The following IL1RAPL2 variants were observed in gnomAD, a reference collection of about 807,000 sequenced individuals.
IL1RAPL2 encodes the protein interleukin 1 receptor accessory protein like 2, also known as X-linked interleukin-1 receptor accessory protein-like 2.
In IL1RAPL2, 3 loss-of-function variants were observed where a neutral mutation model predicts 44.1. The observed-to-expected ratio is 0.07, with a 90% CI of 0.03 to 0.18. The LOEUF is 0.18. Among genes scored for constraint, IL1RAPL2 ranks in the 10% least tolerant of loss-of-function variants. The probability of loss-of-function intolerance (pLI) is 1.00; values close to 1 mark genes in which losing one functional copy is unlikely to be tolerated. For missense variants in IL1RAPL2, 391 were observed against 496.4 expected (o/e 0.79, Z 2.02); for synonymous variants, 181 against 178.8 (o/e 1.01, Z -0.10).
intron 1 of IL1RAPL2, among the ~76,000 whole-genome samples, chrX:104,597,512 C>T (rs1928789999): frequency 9.0e-6 from 1 of 111,519 alleles, no homozygotes; most frequent in East Asian, 2.8e-4. Context: ...AGGCTATGGT[C>T]ATGAGACAGA....
At chrX:104,631,618 T>G in intron 1 of IL1RAPL2, among the ~76,000 whole-genome samples, 1 of 112,414 alleles carries the variant, frequency 8.9e-6, no homozygotes, top group Non-Finnish European at 1.9e-5. Flanking sequence ...CATGTGTCTT[T>G]TGGCTGTATA....
chrX:104,679,591 T>C (rs1231456535), intron 2 of IL1RAPL2, among the ~76,000 whole-genome samples: 2 of 112,127 alleles, frequency 1.8e-5, no homozygotes, highest in Non-Finnish European at 3.8e-5. Flanking sequence ...ATGATGGGGA[T>C]TGTCATATTC....
chrX:105,447,867 A>T, intron 5 of IL1RAPL2, among the ~76,000 whole-genome samples: 1 of 93,695 alleles, frequency 1.1e-5, no homozygotes, highest in Non-Finnish European at 2.0e-5. Flanking sequence ...ATATATAAAT[A>T]TATTATACAT....
chrX:104,645,006 G>A (rs1294596904), intron 1 of IL1RAPL2, among the ~76,000 whole-genome samples: 2 of 111,394 alleles, frequency 1.8e-5, no homozygotes, highest in Non-Finnish European at 3.8e-5. Context: ...ATCACCCAGC[G>A]TTTAACATAG....
chrX:104,781,581 T>A (rs1932774260), intron 2 of IL1RAPL2, among the ~76,000 whole-genome samples: 1 of 112,025 alleles, frequency 8.9e-6, no homozygotes, highest in South Asian at 3.7e-4. Flanking sequence ...GGAATGCCCC[T>A]CATCTGCATA....
chrX:104,737,078 C>T (rs1002412040), intron 2 of IL1RAPL2, among the ~76,000 whole-genome samples: 1 of 112,562 alleles, frequency 8.9e-6, no homozygotes, highest in African/African-American at 3.2e-5. Context: ...TCATCCAGAA[C>T]CATTTTATTT....
intron 5 of IL1RAPL2, among the ~76,000 whole-genome samples, chrX:105,270,260 G>T (rs1276361509): frequency 9.0e-6 from 1 of 111,579 alleles, no homozygotes; most frequent in Non-Finnish European, 1.9e-5. Context: ...AAAGTCATAG[G>T]TTTGATTATT....
chrX:105,267,510 T>C lies in IL1RAPL2; in HGVS notation c.666T>C (p.Leu222=). ...YTCELKYEGK[L]VRRTTELKVT... ...GTGAACTTAAATATGAAGGAAAACT[T>C]GTAAGACGAACAACTGAATTGAAAG... The change falls in exon 5 of 11, where the codon CTT becomes CTC. Residue 222 remains leucine, a synonymous_variant. Coordinates refer to ENST00000372582, the MANE Select transcript of IL1RAPL2 (RefSeq NM_017416.2). 1 of 1,185,370 alleles carries C rather than the reference T, an allele frequency of 8.4e-7. No individual in the cohort carries two copies. The highest frequency in any genetic ancestry group is 1.1e-6 in the Non-Finnish European group (1 of 878,996).
chrX:104,883,314 T>A (rs1443830181), intron 2 of IL1RAPL2, among the ~76,000 whole-genome samples: 1 of 111,380 alleles, frequency 9.0e-6, no homozygotes, highest in Non-Finnish European at 1.9e-5. Context: ...GACACGGGTG[T>A]CAGGCTTTCT....
intron 2 of IL1RAPL2, among the ~76,000 whole-genome samples, chrX:104,923,486 C>A (rs1019284593): frequency 8.9e-6 from 1 of 111,886 alleles, no homozygotes; most frequent in African/African-American, 3.2e-5. Flanking sequence ...AAGCCAGAAG[C>A]GATCAGGGGC....
At chrX:105,678,232 G>A (rs1442504582) in intron 6 of IL1RAPL2, among the ~76,000 whole-genome samples, 2 of 112,179 alleles carry the variant, frequency 1.8e-5, no homozygotes, top group African/African-American at 6.5e-5. Flanking sequence ...GAGTACATAG[G>A]AGGTGTTGTA....
At chrX:104,963,859 A>G (rs886857899) in intron 2 of IL1RAPL2, among the ~76,000 whole-genome samples, 8 of 110,997 alleles carry the variant, frequency 7.2e-5, no homozygotes, top group Non-Finnish European at 1.3e-4. Flanking sequence ...AAAGGTAAGT[A>G]TCTTGCAAGT....
At chrX:105,706,756 G>A (rs1280228988) in intron 6 of IL1RAPL2, among the ~76,000 whole-genome samples, 1 of 111,715 alleles carries the variant, frequency 9.0e-6, no homozygotes, top group East Asian at 2.8e-4. Context: ...TGTGAGCAAT[G>A]ATGGGTCTTT....
chrX:105,611,096 CA>C (rs1318539668), intron 6 of IL1RAPL2, among the ~76,000 whole-genome samples: 1 of 110,476 alleles, frequency 9.1e-6, no homozygotes, highest in Admixed American at 9.6e-5. Flanking sequence ...TCGTTTTTAA[CA>C]AAAAAGTTTA....
Position 104,983,482 on chromosome X carries a change from ATATTATAT to A in IL1RAPL2, c.83-211990_83-211983del, listed in dbSNP as rs1454226064. Among the ~76,000 whole-genome samples the A allele has an allele frequency of 8.5e-3, 855 of 100,096 alleles. 14 individuals are homozygous for A. Among genetic ancestry groups the A allele is most frequent in the African/African-American group, 0.03 (808 of 27,352 alleles). 86.9% of individuals were successfully genotyped at this position (100,096 alleles called of 115,157 possible). A position where few individuals can be genotyped will look rare whatever the true frequency, so the allele number is the denominator to read the frequency against. ...AATATTAGATACATAATATTATATA[ATATTATAT>A]TAGATACATAATATTATATAATATT... On this transcript the variant is annotated intron_variant, in intron 2 of 10. Coordinates refer to ENST00000372582, the MANE Select transcript of IL1RAPL2 (RefSeq NM_017416.2).
At chrX:105,131,009 T>C (rs1217290267) in intron 2 of IL1RAPL2, among the ~76,000 whole-genome samples, 13 of 111,630 alleles carry the variant, frequency 1.2e-4, no homozygotes, top group Non-Finnish European at 1.5e-4. Flanking sequence ...TCAAACTGAA[T>C]TTTACAGGTA....
Position 104,921,128 on chromosome X carries a change from T to C in IL1RAPL2, c.82+262133T>C, listed in dbSNP as rs571655594. On this transcript the variant is annotated intron_variant, in intron 2 of 10. Transcript: ENST00000372582. ...TCCAGACTCCTTCAGACCTTTGGACTGGCAGAGGGAGCTGCCTGGAGATAA... is the reference window on the plus strand; with the variant it reads ...TCCAGACTCCTTCAGACCTTTGGACCGGCAGAGGGAGCTGCCTGGAGATAA... 1.4e-3 allele frequency among the ~76,000 whole-genome samples: 152 copies of C among 111,879 alleles called. 1 individual carries two copies. The highest frequency in any genetic ancestry group is 4.7e-3 in the Middle Eastern group (1 of 214).
At chrX:104,585,190 C>CAT (rs200081967) in intron 1 of IL1RAPL2, among the ~76,000 whole-genome samples, 5,084 of 60,956 alleles carry the variant, frequency 0.083, 941 homozygotes, top group African/African-American at 0.4. Flanking sequence ...CACATACACA[C>CAT]ATGTATATGT....
intron 2 of IL1RAPL2, among the ~76,000 whole-genome samples, chrX:104,813,698 T>G (rs1248969743): frequency 1.8e-5 from 2 of 111,593 alleles, no homozygotes; most frequent in Non-Finnish European, 3.8e-5. Context: ...TTCATTATTA[T>G]TATCTTAGGT....
Sources: allele counts gnomAD v4.1 joint callset (sites outside exome capture counted in the v4.1 genomes callset), GRCh38; gene constraint gnomAD v4.1.1; transcripts MANE v1.5; gene names NCBI Gene and HGNC (gene_info 2026-07-23, HGNC 2026-07-21).